Variants in COL1A2 observed in about 807,000 individuals in gnomAD.
The protein encoded by COL1A2 is collagen type I alpha 2 chain.
COL1A2 carries 49 observed loss-of-function variants against 174.3 expected under a neutral mutation model. The ratio of observed to expected loss-of-function variants is 0.28; its 90% CI spans 0.22 to 0.36. COL1A2 has a LOEUF of 0.36. Among genes scored for constraint, COL1A2 ranks in the 10% least tolerant of loss-of-function variants. COL1A2 has a pLI of 1.00. For missense variants in COL1A2, 1,438 were observed against 1,822.7 expected (o/e 0.79, Z 3.84); for synonymous variants, 655 against 606.6 (o/e 1.08, Z -1.17).
intron 6 of COL1A2, among the ~76,000 whole-genome samples, chr7:94,403,441 A>G (rs1858822): frequency 0.32 from 48,604 of 152,044 alleles, 8,751 homozygotes; most frequent in South Asian, 0.44. Flanking sequence ...CATGAAATAC[A>G]CTACATTTTA....
intron 23 of COL1A2, 31 bp downstream of exon 23, chr7:94,411,185 C>T (rs1388965842): frequency 2.7e-5 from 40 of 1,462,092 alleles, no homozygotes; most frequent in Non-Finnish European, 3.7e-5. Flanking sequence ...GAGCAAATCA[C>T]ACCTGGCATT....
At chr7:94,412,892 C>G (rs1423632047) in intron 25 of COL1A2, among the ~76,000 whole-genome samples, 191 bp from the exon 26 acceptor site, 1 of 152,204 alleles carries the variant, frequency 6.6e-6, no homozygotes, top group Non-Finnish European at 1.5e-5. Context: ...CATGCTTCCA[C>G]AGACACAGGG....
rs1474896145 is a variant in COL1A2, at chr7:94,419,983, G to T, written c.2080-250G>T. 2.6e-5 allele frequency among the ~76,000 whole-genome samples: 4 copies of T among 152,150 alleles called. 1 individual carries two copies. In the East Asian group the frequency reaches 7.7e-4, roughly 29 times the overall value. On this transcript the variant is annotated intron_variant, in intron 34 of 51. Transcript: ENST00000297268. Reference sequence around the variant, plus strand: ...CCCGTGTCCATCTAAAAATTAAAATGTCCTCCTCCTGGTATTGTAGGCACT... The same window carrying T: ...CCCGTGTCCATCTAAAAATTAAAATTTCCTCCTCCTGGTATTGTAGGCACT...
At chr7:94,416,973 A>G (rs1006136870) in intron 31 of COL1A2, among the ~76,000 whole-genome samples, 1 of 152,224 alleles carries the variant, frequency 6.6e-6, no homozygotes, top group Admixed American at 6.5e-5. Context: ...TGTGTTCCAA[A>G]ATAGAATCTG....
At chr7:94,409,674 C>T (rs1791877433) in intron 18 of COL1A2, 49 bp from the exon 19 acceptor site, 1 of 1,613,300 alleles carries the variant, frequency 6.2e-7, no homozygotes, top group African/African-American at 1.3e-5. Flanking sequence ...TGTGCTGCCT[C>T]TACAGCCCAT....
chr7:94,397,638 A>T (rs987387612), intron 1 of COL1A2, 110 bp from the exon 2 acceptor site: 1 of 633,316 alleles, frequency 1.6e-6, no homozygotes, highest in Non-Finnish European at 2.8e-6. Flanking sequence ...TTGGTCCTTA[A>T]TTAGGTAATT....
At chr7:94,417,559 C>T in intron 31 of COL1A2, 165 bp from the exon 32 acceptor site, 1 of 655,874 alleles carries the variant, frequency 1.5e-6, no homozygotes, top group South Asian at 1.7e-5. Flanking sequence ...AACAGCATCT[C>T]TCTCTGCTAT....
intron 38 of COL1A2, 144 bp downstream of exon 38, chr7:94,421,206 A>T: frequency 1.2e-6 from 1 of 804,812 alleles, no homozygotes; most frequent in Non-Finnish European, 2.1e-6. Context: ...AGCAATTCCG[A>T]TATTGATGTT....
In COL1A2 at chr7:94,417,887, C is replaced by G. The variant is rs1792075332; in HGVS notation, c.1971+56C>G. 10 of 1,384,822 alleles carry G rather than the reference C, an allele frequency of 7.2e-6. No individual in the cohort carries two copies. In the East Asian group the frequency reaches 2.5e-4, roughly 34 times the overall value. 85.8% of individuals were successfully genotyped at this position (1,384,822 alleles called of 1,614,324 possible). On this transcript the variant is annotated intron_variant, in intron 32 of 51. Coordinates refer to ENST00000297268, the MANE Select transcript of COL1A2 (RefSeq NM_000089.4). ...ATGAACTCTAGTAAAGAAGGCTGCA[C>G]AAGGATGCCCAAGTTTTCACAATTC...
rs1792048138 is a variant in COL1A2 at position 94,416,672 on chromosome 7, TAAAC to T, written c.1863+180_1863+183del. On this transcript the variant is annotated intron_variant, in intron 31 of 51. Coordinates refer to ENST00000297268, the MANE Select transcript of COL1A2 (RefSeq NM_000089.4). ...CGATTCCAGTGGACCTGAATTATTCTAAACAAACAAACAATAGCAACAAACTGTG... is the reference window on the plus strand; with the variant it reads ...CGATTCCAGTGGACCTGAATTATTCTAAACAAACAATAGCAACAAACTGTG... The T allele has an allele frequency of 9.8e-6, 6 of 614,998 alleles. No individual in the cohort carries two copies. The South Asian group carries it at 1.2e-4, about 12-fold the overall frequency. 38.1% of individuals were successfully genotyped at this position (614,998 alleles called of 1,614,324 possible). A position where few individuals can be genotyped will look rare whatever the true frequency, so the allele number is the denominator to read the frequency against.
At chr7:94,408,306 C>T in intron 14 of COL1A2, 30 bp from the exon 15 acceptor site, 1 of 1,613,918 alleles carries the variant, frequency 6.2e-7, no homozygotes, top group Non-Finnish European at 8.5e-7. Context: ...TTTAAGTTTC[C>T]ACCTGATCTT....
At chr7:94,400,520 T>C (rs917711114) in intron 5 of COL1A2, among the ~76,000 whole-genome samples, 1 of 152,156 alleles carries the variant, frequency 6.6e-6, no homozygotes, top group Non-Finnish European at 1.5e-5. Context: ...TGGCCATCAT[T>C]ACCATTATTT....
At chr7:94,424,041 C>T in intron 40 of COL1A2, 2 of 381,892 alleles carry the variant, frequency 5.2e-6, no homozygotes, top group South Asian at 5.1e-5. Context: ...TGTTTCCCTG[C>T]CTAGAGGCTA....
chr7:94,417,514 C>G (rs960661659), intron 31 of COL1A2: 1 of 579,278 alleles, frequency 1.7e-6, no homozygotes, highest in Non-Finnish European at 3.2e-6. Flanking sequence ...GCTGTGCACT[C>G]CCACTACCCT....
At chr7:94,420,185 G>C (rs200021382) in intron 34 of COL1A2, 48 bp from the exon 35 acceptor site, 1 of 1,611,254 alleles carries the variant, frequency 6.2e-7, no homozygotes, top group East Asian at 2.2e-5. Context: ...AGTTCTTTGA[G>C]CATCTATGTC....
chr7:94,430,324 T>C lies in COL1A2; in HGVS notation c.4032T>C (p.Ile1344=). The C allele has an allele frequency of 6.2e-7, 1 of 1,614,110 alleles. No homozygotes were observed. The highest frequency in any genetic ancestry group is 8.5e-7 in the Non-Finnish European group (1 of 1,179,952). The change falls in exon 52 of 52, where the codon ATT becomes ATC. Residue 1344 remains isoleucine, a synonymous_variant. Transcript: ENST00000297268. ...NKPSRLPFLD[I]APLDIGGADQ... ...CATCACGCCTGCCCTTCCTTGATATTGCACCTTTGGACATCGGTGGTGCTG... is the reference window on the plus strand; with the variant it reads ...CATCACGCCTGCCCTTCCTTGATATCGCACCTTTGGACATCGGTGGTGCTG...
intron 46 of COL1A2, 157 bp downstream of exon 46, chr7:94,426,687 A>G (rs1792285022): frequency 2.8e-6 from 2 of 725,138 alleles, no homozygotes; most frequent in South Asian, 1.5e-5. Context: ...AGGTAATGCT[A>G]TTTCATACCA....
In COL1A2 at chr7:94,409,743, G is replaced by A. The variant is rs762777785; in HGVS notation, c.957G>A (p.Gly319=). The A allele has an allele frequency of 1.9e-6, 3 of 1,613,966 alleles. No homozygotes were observed. Among genetic ancestry groups the A allele is most frequent in the African/African-American group, 1.3e-5 (1 of 74,896 alleles). Residue 319 remains glycine (G), a synonymous_variant, in exon 19 of 52, where the codon GGG becomes GGA. Transcript: ENST00000297268. ...KGAAGLPGVA[G]APGLPGPRGI... ...CACAGGGCCTTCCCGGCGTTGCTGG[G>A]GCTCCCGGCCTCCCTGGACCCCGCG... is the stretch of plus-strand genomic sequence containing the variant.
rs1013603739 is a variant in COL1A2, at chr7:94,398,318, A to G, written c.82-64A>G. 2.9e-5 allele frequency: 16 copies of G among 545,280 alleles called. No homozygotes were observed. The African/African-American group carries it at 3.3e-4, about 11-fold the overall frequency. The allele number at this position is 545,280 out of a possible 1,614,324, so 33.8% of individuals were successfully genotyped here. ...ATATTTGTATACTACACCAAAATGG[A>G]AGCTGTTTTTAAATATATATATACA... On this transcript the variant is annotated intron_variant, in intron 2 of 51. Transcript: ENST00000297268.
Sources: gnomAD v4.1 joint callset for allele counts (sites outside exome capture counted in the v4.1 genomes callset) on GRCh38, gnomAD v4.1.1 for gene constraint, MANE v1.5 for transcripts, NCBI Gene and HGNC (gene_info 2026-07-23, HGNC 2026-07-21) for gene names.